CYREN: variants seen among roughly 807,000 people sequenced by gnomAD.
CYREN encodes the protein cell cycle regulator of NHEJ.
Under a neutral mutation model 9.7 loss-of-function variants are expected in CYREN, and 7 were observed. The observed-to-expected ratio is 0.72, with a 90% CI of 0.41 to 1.36. The LOEUF (loss-of-function observed/expected upper bound fraction) is 1.36. CYREN is among the 40% of genes most tolerant of loss of function. The probability of loss-of-function intolerance (pLI) is 0.01; values close to 1 mark genes in which losing one functional copy is unlikely to be tolerated. For synonymous variants in CYREN, 76 were observed against 77.9 expected (o/e 0.98, Z 0.13); for missense variants, 215 against 198.1 (o/e 1.09, Z -0.51).
At chr7:135,111,417 T>C (rs1825622998) in intron 2 of CYREN, among the ~76,000 whole-genome samples, 1 of 152,210 alleles carries the variant, frequency 6.6e-6, no homozygotes. Context: ...CTAACTTCTC[T>C]ACTGGTGATT....
intron 2 of CYREN, among the ~76,000 whole-genome samples, chr7:135,117,295 T>C (rs948164690): frequency 6.6e-6 from 1 of 152,232 alleles, no homozygotes; most frequent in Non-Finnish European, 1.5e-5. Context: ...AATCATCTTG[T>C]TAACATGCAA....
chr7:135,155,340 G>C (rs549976037), intron 2 of CYREN, among the ~76,000 whole-genome samples: 1 of 152,280 alleles, frequency 6.6e-6, no homozygotes, highest in African/African-American at 2.4e-5. Flanking sequence ...GGTTAATATG[G>C]ATCTGTGAGA....
downstream of CYREN, chr7:135,164,471 C>A (rs1830030687): frequency 1.9e-6 from 3 of 1,599,930 alleles, no homozygotes; most frequent in Admixed American, 1.7e-5. Context: ...GGTGGCGCGA[C>A]CAGCTGCTGT....
At chr7:135,128,497 T>C in intron 2 of CYREN, 1 of 757,354 alleles carries the variant, frequency 1.3e-6, no homozygotes, top group South Asian at 1.3e-5. Flanking sequence ...AGTGAGTATT[T>C]ACGATGGAGA....
At chr7:135,167,231 C>T in intron 3 of CYREN, 10 of 1,112,038 alleles carry the variant, frequency 9.0e-6, no homozygotes, top group Non-Finnish European at 1.1e-5. Context: ...AAGTCCCACA[C>T]CACAGGGTTA....
At position 135,128,504 on chromosome 7, in the gene CYREN, G is replaced by C. The variant is rs573050811; in HGVS notation, n.357-33922C>G. The C allele has an allele frequency of 1.1e-4, 86 of 758,866 alleles. 1 individual carries two copies. Among genetic ancestry groups the C allele is most frequent in the Middle Eastern group, 7.4e-4 (3 of 4,078 alleles). The allele number at this position is 758,866 out of a possible 1,614,324, so 47.0% of individuals were successfully genotyped here. On this transcript the variant is annotated intron_variant and non_coding_transcript_variant, in intron 2 of 2. Transcript: ENST00000459937. ...CTGGCCCCAGTGAGTATTTACGATG[G>C]AGATGAATTTAGAAAAGCAGTCTGT...
intron 2 of CYREN, among the ~76,000 whole-genome samples, chr7:135,111,579 T>C (rs1477008344): frequency 6.6e-6 from 1 of 151,888 alleles, no homozygotes; most frequent in Non-Finnish European, 1.5e-5. Context: ...CGTCTGTTTT[T>C]TGGTCTTTAA....
At chr7:135,115,838 A>C in intron 2 of CYREN, 3 of 449,478 alleles carry the variant, frequency 6.7e-6, no homozygotes, top group Non-Finnish European at 1.2e-5. Flanking sequence ...GAAACTACTC[A>C]TTAATTTAGA....
intron 2 of CYREN, 129 bp downstream of exon 2, chr7:135,168,657 A>T (rs1830418373): frequency 7.2e-7 from 1 of 1,390,474 alleles, no homozygotes; most frequent in Non-Finnish European, 9.7e-7. Flanking sequence ...TAAAAGCTCA[A>T]GAGATGATCA....
chr7:135,152,415 C>T (rs1171127200), intron 2 of CYREN, among the ~76,000 whole-genome samples: 1 of 152,242 alleles, frequency 6.6e-6, no homozygotes, highest in African/African-American at 2.4e-5. Flanking sequence ...AACAATGCAG[C>T]CTGACAGGCT....
downstream of CYREN, chr7:135,164,952 T>C (rs1830054385): frequency 3.7e-6 from 6 of 1,611,394 alleles, no homozygotes; most frequent in African/African-American, 1.3e-5. Context: ...CATGGCTGTG[T>C]TCCCTCTGAG....
chr7:135,169,686 T>G (rs1429037808), intron 1 of CYREN: 2 of 152,258 alleles, frequency 1.3e-5, no homozygotes, highest in African/African-American at 4.8e-5. Context: ...CCAATTGTTC[T>G]GCCTCCACTC....
chr7:135,162,522 A>T (rs1294012681), downstream of CYREN, among the ~76,000 whole-genome samples: 1 of 152,246 alleles, frequency 6.6e-6, no homozygotes, highest in Admixed American at 6.5e-5. Flanking sequence ...GAGGCCTCAC[A>T]ATCATGGTGA....
intron 2 of CYREN, among the ~76,000 whole-genome samples, chr7:135,156,534 T>G (rs1472617711): frequency 6.6e-6 from 1 of 152,084 alleles, no homozygotes; most frequent in Non-Finnish European, 1.5e-5. Context: ...CTTCAATGAA[T>G]TTTTTAGTTC....
intron 2 of CYREN, chr7:135,168,096 G>A: frequency 2.2e-6 from 1 of 450,648 alleles, no homozygotes; most frequent in South Asian, 2.3e-5. Context: ...ACACACACAT[G>A]GATGCAAGAG....
At chr7:135,094,679 G>C (rs143273632) in intron 2 of CYREN, 1 of 365,334 alleles carries the variant, frequency 2.7e-6, no homozygotes, top group Non-Finnish European at 5.3e-6. Flanking sequence ...TCTAAAAGGA[G>C]AAAATCAATA....
At chr7:135,118,083 C>G (rs771991245) in intron 2 of CYREN, among the ~76,000 whole-genome samples, 3 of 152,162 alleles carry the variant, frequency 2.0e-5, no homozygotes, top group Non-Finnish European at 4.4e-5. Context: ...TTTCCTGAAG[C>G]CTGGCTGAAT....
chr7:135,157,156 C>T (rs1017194381), intron 2 of CYREN, among the ~76,000 whole-genome samples: 1 of 152,176 alleles, frequency 6.6e-6, no homozygotes, highest in Non-Finnish European at 1.5e-5. Context: ...TTACATGTTT[C>T]CTGTATCCTT....
chr7:135,115,071 G>A (rs955564574), intron 2 of CYREN, among the ~76,000 whole-genome samples: 7 of 152,072 alleles, frequency 4.6e-5, no homozygotes, highest in African/African-American at 1.4e-4. Flanking sequence ...AAACCTGCTC[G>A]ATTTACTTCC....
Sources: gnomAD v4.1 joint callset for allele counts (sites outside exome capture counted in the v4.1 genomes callset) on GRCh38, gnomAD v4.1.1 for gene constraint, MANE v1.5 for transcripts, NCBI Gene and HGNC (gene_info 2026-07-23, HGNC 2026-07-21) for gene names.